Variants in ARSG observed in about 807,000 individuals in gnomAD.
ARSG encodes arylsulfatase G.
A neutral mutation model predicts 50.5 loss-of-function variants in ARSG; 37 were observed. The observed-to-expected ratio is 0.73, with a 90% confidence interval of 0.56 to 0.96. ARSG has a LOEUF of 0.96. Among genes scored for constraint, ARSG ranks in the 50% least tolerant of loss-of-function variants. The probability of loss-of-function intolerance (pLI) is 0.00; values close to 1 mark genes in which losing one functional copy is unlikely to be tolerated. For synonymous variants in ARSG, 225 were observed against 254.6 expected, an observed-to-expected ratio of 0.88 and a Z score of 1.11; for missense variants, 629 against 675.3, an observed-to-expected ratio of 0.93 and a Z score of 0.76.
At chr17:68,306,507 G>A (rs1393995260) in intron 1 of ARSG, among the ~76,000 whole-genome samples, 2 of 152,206 alleles carry the variant, frequency 1.3e-5, no homozygotes, top group African/African-American at 4.8e-5. Flanking sequence ...CCTAGGCAAC[G>A]TAGCAGGACC....
At chr17:68,340,822 A>T (rs2078236698) in intron 2 of ARSG, among the ~76,000 whole-genome samples, 1 of 152,212 alleles carries the variant, frequency 6.6e-6, no homozygotes, top group East Asian at 1.9e-4. Context: ...CAGGCGTGTC[A>T]ATGATTCTAG....
At chr17:68,293,114 G>A (rs1209454322) in intron 1 of ARSG, among the ~76,000 whole-genome samples, 2 of 152,106 alleles carry the variant, frequency 1.3e-5, no homozygotes, top group African/African-American at 4.8e-5. Flanking sequence ...CCTTTTTTGA[G>A]TTGTTCTTCA....
intron 2 of ARSG, among the ~76,000 whole-genome samples, chr17:68,332,351 AC>A (rs1366877812): frequency 1.3e-5 from 2 of 151,966 alleles, no homozygotes; most frequent in South Asian, 2.1e-4. Flanking sequence ...CATCGCTGTT[AC>A]CCTGTTTTTT....
At position 68,271,734 on chromosome 17, in the gene ARSG, A is replaced by G. The variant is rs1450237614; in HGVS notation, c.-552+12308A>G. The G allele has an allele frequency of 4.7e-6, 5 of 1,062,380 alleles. No homozygotes were observed. The highest frequency in any genetic ancestry group is 6.8e-6 in the Non-Finnish European group (5 of 733,236). 65.8% of individuals were successfully genotyped at this position (1,062,380 alleles called of 1,614,324 possible). A position where few individuals can be genotyped will look rare whatever the true frequency, so the allele number is the denominator to read the frequency against. On this transcript the variant is annotated intron_variant, in intron 1 of 11. Coordinates refer to the ARSG transcript ENST00000448504. This position sits in a 1 kb window ranked among gnomAD's most constrained non-coding sequence, Gnocchi z 5.3. Reference sequence around the variant, plus strand: ...ACCCAGGAGAAGCCATCAAGAAGAAATATGGATCCAGATTTTGTTATAAGT... The same window carrying G: ...ACCCAGGAGAAGCCATCAAGAAGAAGTATGGATCCAGATTTTGTTATAAGT...
intron 1 of ARSG, among the ~76,000 whole-genome samples, chr17:68,283,370 A>T (rs995281494): frequency 2.6e-5 from 4 of 151,912 alleles, no homozygotes; most frequent in African/African-American, 9.7e-5. Flanking sequence ...AATACAAAAA[A>T]ATTAGCCAGG....
chr17:68,312,140 T>C lies in ARSG; in HGVS notation c.218+4429T>C, dbSNP rs189962476. Among the ~76,000 whole-genome samples, 18 of 152,200 alleles carry C rather than the reference T, an allele frequency of 1.2e-4. No homozygotes were observed. The East Asian group carries it at 3.5e-3, about 29-fold the overall frequency. Reference sequence around the variant, plus strand: ...AGCCACACAGCTTGTGGTAATTTGTTATGGCAGCCACAGAAAACTTACACA... The same window carrying C: ...AGCCACACAGCTTGTGGTAATTTGTCATGGCAGCCACAGAAAACTTACACA... On this transcript the variant is annotated intron_variant, in intron 2 of 11. Coordinates refer to ENST00000621439, the MANE Select transcript of ARSG (RefSeq NM_001267727.2).
At chr17:68,443,200 T>C in the ARSG span, among the ~76,000 whole-genome samples, 2 of 152,178 alleles carry the variant, frequency 1.3e-5, no homozygotes, top group Non-Finnish European at 2.9e-5. Flanking sequence ...AGCCTCCGCC[T>C]CCTGGGTTCA....
Position 68,370,450 on chromosome 17 carries a change from A to G in ARSG, c.908A>G (p.Asn303Ser), listed in dbSNP as rs1333165874. 6 of 1,614,060 alleles carry G rather than the reference A, an allele frequency of 3.7e-6. No individual in the cohort carries two copies. The highest frequency in any genetic ancestry group is 5.1e-6 in the Non-Finnish European group (6 of 1,179,972). ...TGCTTTTTCTGGTTTCTAGGAGACA[A>G]TGGCCCGTGGGCTCAGAAGTGTGAG... ...ENTFLWFTGD[N>S]GPWAQKCELA... is the part of the protein sequence containing the mutation. Residue 303 changes from asparagine to serine, a missense_variant, in exon 8 of 12, where the codon AAT (asparagine) becomes AGT (serine). Coordinates refer to ENST00000621439, the MANE Select transcript of ARSG (RefSeq NM_001267727.2).
chr17:68,323,250 G>C (rs2077366442), intron 2 of ARSG, among the ~76,000 whole-genome samples: 1 of 152,030 alleles, frequency 6.6e-6, no homozygotes, highest in Non-Finnish European at 1.5e-5. Flanking sequence ...TTACATATGA[G>C]TAAAATGAAG....
chr17:68,285,174 G>C (rs1555754000), intron 1 of ARSG, among the ~76,000 whole-genome samples: 1 of 152,196 alleles, frequency 6.6e-6, no homozygotes, highest in African/African-American at 2.4e-5. Flanking sequence ...TTTCTGACAA[G>C]CAGTCAGGAC....
At chr17:68,312,246 T>C (rs2076890352) in intron 2 of ARSG, among the ~76,000 whole-genome samples, 1 of 152,174 alleles carries the variant, frequency 6.6e-6, no homozygotes, top group Admixed American at 6.5e-5. Context: ...TGTAACACAG[T>C]GCTTGGTACG....
At chr17:68,307,853 A>C in intron 2 of ARSG, 142 bp downstream of exon 2, 1 of 606,110 alleles carries the variant, frequency 1.6e-6, no homozygotes, top group Non-Finnish European at 2.9e-6. Flanking sequence ...TTTGGTTTGA[A>C]GCCAGCATAG....
At chr17:68,377,866 TG>T (rs1450376418) in intron 8 of ARSG, among the ~76,000 whole-genome samples, 4 of 152,210 alleles carry the variant, frequency 2.6e-5, no homozygotes, top group Non-Finnish European at 5.9e-5. Flanking sequence ...AACTCTGATG[TG>T]GGATCGGTGG....
intron 10 of ARSG, among the ~76,000 whole-genome samples, chr17:68,398,567 C>A (rs868428837): frequency 6.6e-6 from 1 of 152,232 alleles, no homozygotes; most frequent in Non-Finnish European, 1.5e-5. Context: ...GGTTTAGAAA[C>A]ACTTTCAGTT....
Position 68,351,577 on chromosome 17 carries a change from T to C in ARSG, c.457T>C (p.Phe153Leu). Residue 153 changes from phenylalanine (F) to leucine (L), a missense_variant and splice_region_variant, in exon 5 of 12, where the codon TTT (phenylalanine) becomes CTT (leucine). Physicochemically the swap from Phe to Leu is conservative, Grantham distance 22. Coordinates refer to ENST00000621439, the MANE Select transcript of ARSG (RefSeq NM_001267727.2). ...HGSYHPNFRG[F>L]DYYFGIPYSH... is the part of the protein sequence containing the mutation. ...CTAACCGGTTGCTTCTATTCCAGGT[T>C]TTGATTACTACTTTGGAATCCCATA... 1 of 1,605,958 alleles carries C rather than the reference T, an allele frequency of 6.2e-7. No individual in the cohort carries two copies. The highest frequency in any genetic ancestry group is 8.5e-7 in the Non-Finnish European group (1 of 1,172,648).
intron 1 of ARSG, among the ~76,000 whole-genome samples, chr17:68,297,038 C>T (rs782221874): frequency 1.3e-5 from 2 of 152,112 alleles, no homozygotes; most frequent in Non-Finnish European, 2.9e-5. Context: ...GGCCGGGTGC[C>T]GGAATTATGC....
intron 6 of ARSG, among the ~76,000 whole-genome samples, chr17:68,366,281 A>G (rs1466504215): frequency 1.3e-5 from 2 of 152,282 alleles, no homozygotes; most frequent in African/African-American, 4.8e-5. Context: ...GTGGACTTTT[A>G]TAATTGAATT....
intron 3 of ARSG, chr17:68,346,914 T>C (rs2078531373): frequency 6.7e-7 from 1 of 1,486,142 alleles, no homozygotes; most frequent in Non-Finnish European, 9.0e-7. Flanking sequence ...GTTTCCCGTG[T>C]GAGTCTGGGG....
At chr17:68,393,881 A>AAAAAAAG (rs1244325058) in intron 9 of ARSG, among the ~76,000 whole-genome samples, 3 of 150,806 alleles carry the variant, frequency 2.0e-5, no homozygotes, top group African/African-American at 7.3e-5. Flanking sequence ...AAAAAAAAAA[A>AAAAAAAG]GGGAAAGAAA....
Sources: allele counts gnomAD v4.1 joint callset (sites outside exome capture counted in the v4.1 genomes callset), GRCh38; gene constraint gnomAD v4.1.1; non-coding constraint Gnocchi (gnomAD v3.1); transcripts MANE v1.5; gene names NCBI Gene and HGNC (gene_info 2026-07-23, HGNC 2026-07-21).